WASF3: variants seen among roughly 807,000 people sequenced by gnomAD.
The protein encoded by WASF3 is WASP family member 3.
In WASF3, 11 loss-of-function variants were observed where a neutral mutation model predicts 46.6. That is an observed-to-expected ratio of 0.24 (90% CI 0.15 to 0.39). The LOEUF is 0.39. WASF3 is among the 10% of genes least tolerant of loss of function. The probability of loss-of-function intolerance (pLI) is 1.00; values close to 1 mark genes in which losing one functional copy is unlikely to be tolerated. For missense variants in WASF3, 576 were observed against 669.8 expected (o/e 0.86, Z 1.55); for synonymous variants, 242 against 259.7 (o/e 0.93, Z 0.65).
chr13:26,579,909 C>CGGTT (rs1448324061), intron 1 of WASF3, among the ~76,000 whole-genome samples: 1 of 152,216 alleles, frequency 6.6e-6, no homozygotes, highest in Non-Finnish European at 1.5e-5. Flanking sequence ...CTTGTCCAAC[C>CGGTT]TATGGCCCAT....
At chr13:26,683,584 C>T (rs993501715) in intron 9 of WASF3, among the ~76,000 whole-genome samples, 13 of 151,366 alleles carry the variant, frequency 8.6e-5, no homozygotes, top group Admixed American at 3.3e-4. Context: ...GCATTCTGCT[C>T]TAAGGGGAAA....
At chr13:26,599,356 G>A (rs958699608) in intron 1 of WASF3, among the ~76,000 whole-genome samples, 31 of 151,988 alleles carry the variant, frequency 2.0e-4, no homozygotes, top group Non-Finnish European at 4.1e-4. Context: ...CTAATTTTCT[G>A]TATTTTTTGT....
At chr13:26,615,118 G>C (rs776477982) in intron 2 of WASF3, among the ~76,000 whole-genome samples, 1 of 151,888 alleles carries the variant, frequency 6.6e-6, no homozygotes, top group East Asian at 1.9e-4. Context: ...ATGTCTATCT[G>C]GTTGCTAAAT....
intron 2 of WASF3, among the ~76,000 whole-genome samples, chr13:26,616,605 T>G (rs1227199658): frequency 6.6e-6 from 1 of 152,190 alleles, no homozygotes; most frequent in Non-Finnish European, 1.5e-5. Context: ...GATTATTTTT[T>G]GGTTTTATTT....
At chr13:26,640,052 G>A (rs1001699477) in intron 2 of WASF3, among the ~76,000 whole-genome samples, 2 of 152,072 alleles carry the variant, frequency 1.3e-5, no homozygotes, top group Admixed American at 1.3e-4. Context: ...TGTGATAGGT[G>A]TGTGGGCTCT....
At chr13:26,658,497 C>G (rs1882531896) in intron 3 of WASF3, among the ~76,000 whole-genome samples, 1 of 152,188 alleles carries the variant, frequency 6.6e-6, no homozygotes, top group Admixed American at 6.5e-5. Context: ...GCTTCTCTTG[C>G]AGATTGCCAG....
chr13:26,566,814 A>G lies in WASF3; in HGVS notation c.-109+8995A>G, dbSNP rs572134393. 3.7e-4 allele frequency among the ~76,000 whole-genome samples: 56 copies of G among 152,364 alleles called. 1 individual carries two copies. The highest frequency in any genetic ancestry group is 3.0e-3 in the Admixed American group (46 of 15,300). On this transcript the variant is annotated intron_variant, in intron 1 of 9. Coordinates refer to ENST00000335327, the MANE Select transcript of WASF3 (RefSeq NM_006646.6). ...TAGCAGAGCTATACGCCGCAGGAGA[A>G]GAGAGGTCATGGGGACTGGTAGCAT... is the stretch of plus-strand genomic sequence containing the variant.
chr13:26,559,180 A>G (rs1879201196), intron 1 of WASF3, among the ~76,000 whole-genome samples: 1 of 152,182 alleles, frequency 6.6e-6, no homozygotes, highest in African/African-American at 2.4e-5. Context: ...CAGGGTTCTA[A>G]TGACTTCAGT....
intron 1 of WASF3, among the ~76,000 whole-genome samples, chr13:26,589,174 G>A (rs150408660): frequency 6.6e-5 from 10 of 152,244 alleles, no homozygotes; most frequent in African/African-American, 2.4e-4. Context: ...TAGTTACTTC[G>A]TTCCTTTCTG....
At chr13:26,663,610 T>G (rs1882692996) in intron 3 of WASF3, among the ~76,000 whole-genome samples, 1 of 152,230 alleles carries the variant, frequency 6.6e-6, no homozygotes, top group Non-Finnish European at 1.5e-5. Flanking sequence ...TATTGATTTA[T>G]TCTTATTTTC....
chr13:26,577,954 A>G (rs990009078), intron 1 of WASF3, among the ~76,000 whole-genome samples: 4 of 152,202 alleles, frequency 2.6e-5, no homozygotes, highest in Non-Finnish European at 5.9e-5. Flanking sequence ...ATTAATTTGT[A>G]TCATGTGACT....
intron 1 of WASF3, among the ~76,000 whole-genome samples, chr13:26,574,305 A>G (rs939805032): frequency 6.6e-6 from 1 of 152,068 alleles, no homozygotes; most frequent in Non-Finnish European, 1.5e-5. Flanking sequence ...GCTTTGTATC[A>G]AGTAGTGTGT....
intron 2 of WASF3, among the ~76,000 whole-genome samples, chr13:26,628,533 A>C (rs1465739334): frequency 2.0e-5 from 3 of 152,218 alleles, no homozygotes; most frequent in African/African-American, 7.2e-5. Context: ...TACAAGTTCA[A>C]GGATCCTGAA....
At chr13:26,669,521 T>C (rs1303787308) in intron 5 of WASF3, among the ~76,000 whole-genome samples, 3 of 152,058 alleles carry the variant, frequency 2.0e-5, no homozygotes, top group Admixed American at 6.6e-5. Context: ...AAAATTTTTT[T>C]TTTTGAGACG....
intron 2 of WASF3, chr13:26,640,970 A>T (rs1041381754): frequency 6.6e-6 from 1 of 152,140 alleles, no homozygotes; most frequent in African/African-American, 2.4e-5. Flanking sequence ...GTGTTTTTGG[A>T]TGGGAGTAAA....
intron 2 of WASF3, among the ~76,000 whole-genome samples, chr13:26,631,136 C>T (rs191491455): frequency 3.3e-5 from 5 of 152,192 alleles, no homozygotes; most frequent in Admixed American, 3.3e-4. Context: ...TTTCTTTTGC[C>T]ATGCAGAAGC....
the WASF3 span, among the ~76,000 whole-genome samples, chr13:26,544,878 C>T: frequency 6.6e-6 from 1 of 152,248 alleles, no homozygotes; most frequent in African/African-American, 2.4e-5. Context: ...GCCTGTTTTT[C>T]TGACTGTTCC....
At chr13:26,651,103 C>G (rs1375311635) in intron 3 of WASF3, among the ~76,000 whole-genome samples, 1 of 152,190 alleles carries the variant, frequency 6.6e-6, no homozygotes, top group Non-Finnish European at 1.5e-5. Flanking sequence ...AGGTGGATTA[C>G]TTGAGGCCAG....
chr13:26,673,503 C>T (rs1882978796), intron 6 of WASF3, among the ~76,000 whole-genome samples: 1 of 152,114 alleles, frequency 6.6e-6, no homozygotes, highest in Non-Finnish European at 1.5e-5. Context: ...AATCATGCAG[C>T]CCTCGGAAAT....
Sources: gnomAD v4.1 joint callset for allele counts (sites outside exome capture counted in the v4.1 genomes callset) on GRCh38, gnomAD v4.1.1 for gene constraint, MANE v1.5 for transcripts, NCBI Gene and HGNC (gene_info 2026-07-23, HGNC 2026-07-21) for gene names.